Variants in KIF24 observed in about 807,000 individuals in gnomAD.
The protein encoded by KIF24 is kinesin-like protein KIF24.
In KIF24, 81 loss-of-function variants were observed where a neutral mutation model predicts 118.9. The ratio of observed to expected loss-of-function variants is 0.68; its 90% CI spans 0.57 to 0.82. The LOEUF is 0.82. KIF24 is among the 40% of genes least tolerant of loss of function. The pLI is 0.00. For synonymous variants in KIF24, 599 were observed against 610.0 expected (o/e 0.98, Z 0.27); for missense variants, 1,560 against 1,661.6 (o/e 0.94, Z 1.06).
At chr9:34,283,187 T>C (rs1163829251) in intron 6 of KIF24, among the ~76,000 whole-genome samples, 1 of 150,840 alleles carries the variant, frequency 6.6e-6, no homozygotes, top group Non-Finnish European at 1.5e-5. Flanking sequence ...TGCAACATGG[T>C]GAAACCCCAT....
intron 9 of KIF24, among the ~76,000 whole-genome samples, chr9:34,261,561 G>T (rs1196117068): frequency 6.6e-6 from 1 of 152,186 alleles, no homozygotes; most frequent in Non-Finnish European, 1.5e-5. Flanking sequence ...ACAGAAAGTG[G>T]TCATACAGTA....
intron 1 of KIF24, 146 bp from the exon 2 acceptor site, chr9:34,311,517 T>A (rs1430689773): frequency 2.1e-6 from 1 of 473,386 alleles, no homozygotes; most frequent in Admixed American, 3.8e-5. Flanking sequence ...ATTTTTCTTC[T>A]GAAATTATTG....
intron 6 of KIF24, among the ~76,000 whole-genome samples, chr9:34,279,922 T>C (rs1293123960): frequency 6.6e-6 from 1 of 152,186 alleles, no homozygotes; most frequent in Non-Finnish European, 1.5e-5. Context: ...ACTGAGGGTA[T>C]CAATGGCGAT....
At chr9:34,308,113 T>G (rs1837000290) in intron 2 of KIF24, among the ~76,000 whole-genome samples, 1 of 151,878 alleles carries the variant, frequency 6.6e-6, no homozygotes, top group Non-Finnish European at 1.5e-5. Context: ...GAACTACAGG[T>G]GCACACCATC....
Position 34,263,122 on chromosome 9 carries a change from G to A in KIF24, c.1494C>T (p.Phe498=), listed in dbSNP as rs1835156343. 6.2e-7 allele frequency: 1 copy of A among 1,613,384 alleles called. No homozygotes were observed. Among genetic ancestry groups the A allele is most frequent in the Non-Finnish European group, 8.5e-7 (1 of 1,179,588 alleles). ...ALDQEHTHTP[F]RQSKLTQVLK... is the part of the protein sequence containing the mutation. ...TTACCTGAGTTAGTTTGCTTTGCCT[G>A]AAGGGAGTATGGGTGTGTTCCTGAT... Residue 498 remains phenylalanine, a synonymous_variant, in exon 9 of 13, where the codon TTC becomes TTT. Transcript: ENST00000402558.
In KIF24 at chr9:34,252,571, T is replaced by TG. The variant is rs1368080123; in HGVS notation, c.*1808dup. The TG allele has an allele frequency of 1.1e-4, 17 of 152,416 alleles. No homozygotes were observed. The highest frequency in any genetic ancestry group is 1.9e-4 in the East Asian group (1 of 5,188). The allele number at this position is 152,416 out of a possible 1,614,324, so 9.4% of individuals were successfully genotyped here. A position where few individuals can be genotyped will look rare whatever the true frequency, so the allele number is the denominator to read the frequency against. ...TATTACCAAGGCTGTTTTATGGGAG[T>TG]GGGGGGGCCATGTGGTGTATAAAGA... is the stretch of plus-strand genomic sequence containing the variant. On this transcript the variant is annotated 3_prime_UTR_variant, in exon 13 of 13. Transcript: ENST00000402558.
rs1291125523 is a variant in KIF24, at chr9:34,253,405, CT to C, written c.*974del. ...CTAAAAAGATACACAGCAGGCAGAA[CT>C]TGGCTGAAGGTTTGTGTGTGAATTC... On this transcript the variant is annotated 3_prime_UTR_variant, in exon 13 of 13. Transcript: ENST00000402558. The C allele has an allele frequency of 5.9e-5, 9 of 152,264 alleles. No homozygotes were observed. The highest frequency in any genetic ancestry group is 2.2e-4 in the African/African-American group (9 of 41,468). 9.4% of individuals were successfully genotyped at this position (152,264 alleles called of 1,614,324 possible). A position where few individuals can be genotyped will look rare whatever the true frequency, so the allele number is the denominator to read the frequency against.
At chr9:34,262,665 A>ATATATATGT (rs1563936542) in intron 9 of KIF24, among the ~76,000 whole-genome samples, 16 of 41,430 alleles carry the variant, frequency 3.9e-4, no homozygotes, top group Non-Finnish European at 5.6e-4. Context: ...AAAAAAAAAA[A>ATATATATGT]AAAAAAAAAA....
chr9:34,321,925 AT>A (rs35560888), intron 1 of KIF24, among the ~76,000 whole-genome samples: 13 of 151,962 alleles, frequency 8.6e-5, no homozygotes, highest in East Asian at 1.9e-4. Flanking sequence ...TTTTTGTAAG[AT>A]TTTTTTAAAA....
chr9:34,318,473 C>A lies in KIF24; in HGVS notation c.-25-7102G>T. On this transcript the variant is annotated intron_variant, in intron 1 of 12. Coordinates refer to ENST00000402558, the MANE Select transcript of KIF24 (RefSeq NM_194313.4). This position sits in a 1 kb window ranked among gnomAD's most constrained non-coding sequence, Gnocchi z 4.9. ...GGCCTTGGCGACCGAGGTGAAGAAA[C>A]CTGCAGCCACAGCAGCTCCTGGCAC... 3.8e-6 allele frequency: 3 copies of A among 788,088 alleles called. No homozygotes were observed. The highest frequency in any genetic ancestry group is 6.5e-6 in the Non-Finnish European group (3 of 460,920). The allele number at this position is 788,088 out of a possible 1,614,324, so 48.8% of individuals were successfully genotyped here.
chr9:34,272,703 G>A (rs937863490), intron 6 of KIF24, among the ~76,000 whole-genome samples: 1 of 152,174 alleles, frequency 6.6e-6, no homozygotes, highest in African/African-American at 2.4e-5. Flanking sequence ...GCTCACTGCA[G>A]CCATGACTTC....
chr9:34,260,042 G>C (rs1486497865), intron 9 of KIF24, among the ~76,000 whole-genome samples: 2 of 152,162 alleles, frequency 1.3e-5, no homozygotes, highest in Non-Finnish European at 2.9e-5. Context: ...CCAGAGGGCA[G>C]TTTGGCAATA....
chr9:34,294,067 C>A (rs1275410672), intron 4 of KIF24, among the ~76,000 whole-genome samples: 1 of 152,058 alleles, frequency 6.6e-6, no homozygotes, highest in Non-Finnish European at 1.5e-5. Context: ...TGGGCTCAAG[C>A]AACAACCTTC....
chr9:34,329,416 A>C (rs1837806479), upstream of KIF24: 1 of 152,240 alleles, frequency 6.6e-6, no homozygotes, highest in Non-Finnish European at 1.5e-5. Flanking sequence ...TCCGACCTTC[A>C]GCCAATCGTT....
At chr9:34,311,413 A>C in intron 1 of KIF24, 42 bp from the exon 2 acceptor site, 2 of 967,072 alleles carry the variant, frequency 2.1e-6, no homozygotes, top group Non-Finnish European at 2.9e-6. Context: ...AATAGAGTAC[A>C]TGTAATACAA....
chr9:34,279,557 G>A (rs1452517209), intron 6 of KIF24, among the ~76,000 whole-genome samples: 1 of 152,248 alleles, frequency 6.6e-6, no homozygotes, highest in African/African-American at 2.4e-5. Flanking sequence ...TGGTGCCTGC[G>A]TTGGCAAGAA....
chr9:34,327,214 T>G lies in KIF24; in HGVS notation c.-26+1892A>C, dbSNP rs1292396055. Among the ~76,000 whole-genome samples the G allele has an allele frequency of 3.8e-5, 5 of 132,696 alleles. No individual in the cohort carries two copies. In the East Asian group the frequency reaches 1.1e-3, roughly 30 times the overall value. 87.1% of individuals were successfully genotyped at this position (132,696 alleles called of 152,430 possible). On this transcript the variant is annotated intron_variant, in intron 1 of 12. Transcript: ENST00000402558. Reference sequence around the variant, plus strand: ...CTATTATTTATTTAACAAAATGTGTTGAGGATCTACACTGTGCAAATTATA... The same window carrying G: ...CTATTATTTATTTAACAAAATGTGTGGAGGATCTACACTGTGCAAATTATA...
rs540254377 is a variant in KIF24 at position 34,318,814 on chromosome 9, C to A, written c.-25-7443G>T. The A allele has an allele frequency of 1.2e-3, 1,914 of 1,575,474 alleles. 4 individuals are homozygous for A. Among genetic ancestry groups the A allele is most frequent in the Non-Finnish European group, 1.5e-3 (1,746 of 1,146,854 alleles). On this transcript the variant is annotated intron_variant, in intron 1 of 12. Coordinates refer to ENST00000402558, the MANE Select transcript of KIF24 (RefSeq NM_194313.4). The surrounding 1 kb of genome is among the most constrained non-coding windows in gnomAD (Gnocchi z 4.9). ...AGCTGTGCAGTCGCCTGTAGGGACC[C>A]AGCTCAGTGAGTTTCGCTGATGACT...
chr9:34,321,329 A>G (rs370954657), intron 1 of KIF24, among the ~76,000 whole-genome samples: 1 of 152,286 alleles, frequency 6.6e-6, no homozygotes. Context: ...CCGAGGACTC[A>G]GTCAGTCTCT....
Sources: allele counts gnomAD v4.1 joint callset (sites outside exome capture counted in the v4.1 genomes callset), GRCh38; gene constraint gnomAD v4.1.1; non-coding constraint Gnocchi (gnomAD v3.1); transcripts MANE v1.5; gene names NCBI Gene and HGNC (gene_info 2026-07-23, HGNC 2026-07-21).